The following DOCK9 variants were observed in gnomAD, a reference collection of about 807,000 sequenced individuals.
DOCK9 encodes the protein dedicator of cytokinesis protein 9.
In DOCK9, 89 loss-of-function variants were observed where a neutral mutation model predicts 263.3. The ratio of observed to expected loss-of-function variants is 0.34; its 90% CI spans 0.28 to 0.40. The LOEUF (loss-of-function observed/expected upper bound fraction) is 0.40. DOCK9 is among the 10% of genes least tolerant of loss of function. The pLI, the probability that DOCK9 is intolerant of heterozygous loss-of-function variation, is 1.00. For missense variants in DOCK9, 2,140 were observed against 2,603.4 expected, an observed-to-expected ratio of 0.82 and a Z score of 3.87; for synonymous variants, 976 against 973.1, an observed-to-expected ratio of 1.00 and a Z score of -0.06.
chr13:98,880,957 A>G (rs2044655466), intron 25 of DOCK9, among the ~76,000 whole-genome samples: 1 of 152,262 alleles, frequency 6.6e-6, no homozygotes, highest in Admixed American at 6.5e-5. Flanking sequence ...ACAACAATGT[A>G]TGACTGATAC....
At chr13:98,952,865 T>G (rs925431178) in intron 2 of DOCK9, among the ~76,000 whole-genome samples, 45 of 152,374 alleles carry the variant, frequency 3.0e-4, no homozygotes, top group Admixed American at 2.5e-3. Context: ...ATTATTTAAG[T>G]GCAGTAAATC....
intron 45 of DOCK9, among the ~76,000 whole-genome samples, chr13:98,814,232 G>A (rs559665009): frequency 3.9e-5 from 6 of 152,204 alleles, no homozygotes; most frequent in Admixed American, 1.3e-4. Context: ...ACTCTGTACC[G>A]GTGCTTATTA....
intron 1 of DOCK9, among the ~76,000 whole-genome samples, chr13:98,972,047 C>T (rs915642780): frequency 6.6e-6 from 1 of 152,162 alleles, no homozygotes; most frequent in African/African-American, 2.4e-5. Flanking sequence ...ATGAATCGTG[C>T]ATATGTGTCC....
chr13:98,971,692 A>C (rs536665842), intron 1 of DOCK9, among the ~76,000 whole-genome samples: 1 of 152,314 alleles, frequency 6.6e-6, no homozygotes, highest in South Asian at 2.1e-4. Context: ...TGGGTGACAG[A>C]GCGAGACTCC....
chr13:98,929,900 G>C (rs999141015), intron 3 of DOCK9, among the ~76,000 whole-genome samples: 4 of 152,078 alleles, frequency 2.6e-5, no homozygotes, highest in African/African-American at 9.7e-5. Context: ...GATAAATTCT[G>C]TGGAATTCAC....
intron 49 of DOCK9, among the ~76,000 whole-genome samples, chr13:98,801,788 A>T (rs376758438): frequency 1.3e-5 from 2 of 152,222 alleles, no homozygotes; most frequent in South Asian, 4.1e-4. Flanking sequence ...AGGACTCATC[A>T]CAGGATGGGA....
intron 1 of DOCK9, among the ~76,000 whole-genome samples, chr13:98,998,359 G>A (rs1470481547): frequency 6.6e-6 from 1 of 152,188 alleles, no homozygotes; most frequent in African/African-American, 2.4e-5. Flanking sequence ...CACTAAGACT[G>A]ATTATTTGTC....
chr13:98,961,064 C>T (rs762114504), intron 1 of DOCK9, among the ~76,000 whole-genome samples: 1 of 152,160 alleles, frequency 6.6e-6, no homozygotes, highest in African/African-American at 2.4e-5. Flanking sequence ...AAGAGCCAGG[C>T]CTGTAAACAT....
chr13:98,871,303 C>G (rs2142205874), intron 27 of DOCK9, among the ~76,000 whole-genome samples: 1 of 152,264 alleles, frequency 6.6e-6, no homozygotes, highest in East Asian at 1.9e-4. Flanking sequence ...CCCTCTACTT[C>G]TGCACTTATT....
chr13:99,086,129 C>A, intron 1 of DOCK9: 1 of 1,376,178 alleles, frequency 7.3e-7, no homozygotes, highest in South Asian at 1.5e-5. Context: ...GCCGCTCTGC[C>A]TCAGCCCTGC....
intron 7 of DOCK9, among the ~76,000 whole-genome samples, chr13:98,919,116 CT>C (rs10640842): frequency 6.7e-6 from 1 of 148,152 alleles, no homozygotes; most frequent in African/African-American, 2.5e-5. Context: ...GGCTGTTTCT[CT>C]TTTTTTTTTT....
At chr13:98,806,674 C>G (rs553169245) in intron 48 of DOCK9, among the ~76,000 whole-genome samples, 1 of 152,022 alleles carries the variant, frequency 6.6e-6, no homozygotes, top group African/African-American at 2.4e-5. Flanking sequence ...TTTGGGAGGC[C>G]GAGGCAGGCA....
intron 1 of DOCK9, among the ~76,000 whole-genome samples, chr13:99,034,611 C>T (rs1251785251): frequency 6.6e-6 from 1 of 152,196 alleles, no homozygotes; most frequent in African/African-American, 2.4e-5. Context: ...AAAAAGAATG[C>T]ACCTAACACA....
chr13:99,075,476 C>A (rs951008762), intron 1 of DOCK9, among the ~76,000 whole-genome samples: 15 of 151,706 alleles, frequency 9.9e-5, no homozygotes, highest in African/African-American at 3.6e-4. Context: ...TCTCAGCCTC[C>A]TGAGTAGCTA....
intron 38 of DOCK9, chr13:98,845,492 G>A: frequency 1.8e-6 from 1 of 559,060 alleles, no homozygotes; most frequent in Non-Finnish European, 2.8e-6. Context: ...GAGCTGGAAT[G>A]TCAGAATGTG....
At position 98,794,665 on chromosome 13, in the gene DOCK9, T is replaced by C; in HGVS notation, c.6240A>G (p.Thr2080=). The C allele has an allele frequency of 6.2e-7, 1 of 1,613,426 alleles. No individual in the cohort carries two copies. The highest frequency in any genetic ancestry group is 8.5e-7 in the Non-Finnish European group (1 of 1,179,712). The change falls in exon 53 of 53, where the codon ACA becomes ACG. Residue 2080 remains threonine, a synonymous_variant. Transcript: ENST00000682017. ...ACGAGCTGGTCATCCCGTGAACCAT[T>C]GTGCTTGTTGGAGTCCCACTGATGG... ...FNAISGTPTS[T]MVHGMTSSSS... is the part of the protein sequence containing the mutation.
chr13:98,837,725 T>C, intron 38 of DOCK9, 116 bp from the exon 39 acceptor site: 1 of 134,994 alleles, frequency 7.4e-6, no homozygotes, highest in Non-Finnish European at 1.4e-5. Context: ...GGACCTTGTC[T>C]CTGTGTTTGC....
chr13:98,967,208 A>C (rs2059299005), intron 1 of DOCK9, among the ~76,000 whole-genome samples: 1 of 152,214 alleles, frequency 6.6e-6, no homozygotes, highest in Non-Finnish European at 1.5e-5. Flanking sequence ...AAAAGTAACA[A>C]TTTCTGTTAT....
At chr13:99,037,682 T>G (rs1888031977) in intron 1 of DOCK9, among the ~76,000 whole-genome samples, 1 of 152,224 alleles carries the variant, frequency 6.6e-6, no homozygotes, top group Admixed American at 6.5e-5. Context: ...CATGGCAACT[T>G]TATTGGTAAT....
Sources: allele counts gnomAD v4.1 joint callset (sites outside exome capture counted in the v4.1 genomes callset), GRCh38; gene constraint gnomAD v4.1.1; transcripts MANE v1.5; gene names NCBI Gene and HGNC (gene_info 2026-07-23, HGNC 2026-07-21).